Variants in UNC80 observed in about 807,000 individuals in gnomAD.
The protein encoded by UNC80 is unc-80 subunit of NALCN channel complex.
In UNC80, 164 loss-of-function variants were observed where a neutral mutation model predicts 384.6. The ratio of observed to expected loss-of-function variants is 0.43; its 90% CI spans 0.38 to 0.49. The LOEUF is 0.49. Among genes scored for constraint, UNC80 ranks in the 20% least tolerant of loss-of-function variants. The pLI, the probability that UNC80 is intolerant of heterozygous loss-of-function variation, is 0.00. For missense variants in UNC80, 3,330 were observed against 4,143.0 expected (o/e 0.80, Z 5.39); for synonymous variants, 1,486 against 1,527.8 (o/e 0.97, Z 0.64).
At chr2:209,860,264 C>A (rs886433502) in intron 22 of UNC80, among the ~76,000 whole-genome samples, 4 of 152,156 alleles carry the variant, frequency 2.6e-5, no homozygotes, top group African/African-American at 9.7e-5. Flanking sequence ...CCAGTATTCC[C>A]AGCACCATTT....
intron 35 of UNC80, among the ~76,000 whole-genome samples, chr2:209,925,331 G>A (rs1244697079): frequency 6.6e-6 from 1 of 152,098 alleles, no homozygotes; most frequent in African/African-American, 2.4e-5. Flanking sequence ...ATTCCTTCCA[G>A]CGGGTTCTTG....
intron 7 of UNC80, 108 bp from the exon 8 acceptor site, chr2:209,813,472 T>A (rs2079511727): frequency 8.2e-7 from 1 of 1,213,926 alleles, no homozygotes; most frequent in African/African-American, 1.5e-5. Flanking sequence ...AAGAAACAAG[T>A]AAATGAATAA....
At chr2:209,814,646 A>T (rs1405031210) in intron 8 of UNC80, among the ~76,000 whole-genome samples, 1 of 152,186 alleles carries the variant, frequency 6.6e-6, no homozygotes, top group Non-Finnish European at 1.5e-5. Flanking sequence ...ATGTGTACTG[A>T]TATGGTGATA....
chr2:209,946,369 G>GAA (rs553758753), intron 47 of UNC80, among the ~76,000 whole-genome samples: 3,124 of 108,878 alleles, frequency 0.029, 85 homozygotes, highest in South Asian at 0.16. Flanking sequence ...GACTTTGTCA[G>GAA]AAAAAAAAAA....
intron 40 of UNC80, among the ~76,000 whole-genome samples, chr2:209,936,288 T>C (rs2124972471): frequency 6.6e-6 from 1 of 152,320 alleles, no homozygotes; most frequent in South Asian, 2.1e-4. Context: ...CAGTGTGACC[T>C]AAATCAAGTG....
At chr2:209,918,712 C>A in intron 33 of UNC80, 49 bp downstream of exon 33, 2 of 1,459,960 alleles carry the variant, frequency 1.4e-6, no homozygotes, top group East Asian at 2.5e-5. Context: ...TAAAAGAGAA[C>A]AATTAATATT....
At chr2:209,945,273 T>A in intron 46 of UNC80, 84 bp downstream of exon 46, 1 of 1,348,020 alleles carries the variant, frequency 7.4e-7, no homozygotes, top group African/African-American at 1.5e-5. Flanking sequence ...CATACACGTA[T>A]ATTTATATGT....
chr2:209,939,222 C>T (rs1224439303), intron 42 of UNC80, among the ~76,000 whole-genome samples: 1 of 152,098 alleles, frequency 6.6e-6, no homozygotes, highest in Non-Finnish European at 1.5e-5. Context: ...ATGCTCCTCT[C>T]CAGCCTAAAA....
At chr2:209,818,255 C>G (rs1052936335) in intron 11 of UNC80, among the ~76,000 whole-genome samples, 2 of 152,104 alleles carry the variant, frequency 1.3e-5, no homozygotes, top group Admixed American at 6.6e-5. Context: ...AGATTCAGTG[C>G]TTCGATTCCC....
chr2:209,976,085 C>T lies in UNC80; in HGVS notation c.8588-34C>T, dbSNP rs377545957. ...GTTGGGTTCCTCGGAAGCACACGTC[C>T]GCAGGCTCATTTTTCTCTTTTCCCG... is the stretch of plus-strand genomic sequence containing the variant. On this transcript the variant is annotated intron_variant, in intron 56 of 64. Transcript: ENST00000673920. The surrounding 1 kb of genome is among the most constrained non-coding windows in gnomAD (Gnocchi z 4.3). The T allele has an allele frequency of 1.2e-5, 18 of 1,534,348 alleles. No homozygotes were observed. Among genetic ancestry groups the T allele is most frequent in the East Asian group, 9.8e-5 (4 of 40,674 alleles).
intron 47 of UNC80, among the ~76,000 whole-genome samples, chr2:209,950,502 T>C (rs113781694): frequency 6.4e-4 from 98 of 152,046 alleles, no homozygotes; most frequent in African/African-American, 2.2e-3. Context: ...TTTTTGCTAT[T>C]GTAGTTTTAT....
chr2:209,941,109 A>G, intron 43 of UNC80, 112 bp from the exon 44 acceptor site: 1 of 1,335,970 alleles, frequency 7.5e-7, no homozygotes, highest in African/African-American at 1.5e-5. Context: ...AGATCTTCAC[A>G]TCCTGGAGCT....
chr2:209,945,740 A>T, intron 46 of UNC80, 107 bp from the exon 47 acceptor site: 1 of 652,368 alleles, frequency 1.5e-6, no homozygotes, highest in Non-Finnish European at 2.6e-6. Flanking sequence ...ATTTAACAAG[A>T]AAAGGCTACA....
chr2:209,911,663 A>C (rs1279982205), intron 29 of UNC80, among the ~76,000 whole-genome samples: 1 of 152,154 alleles, frequency 6.6e-6, no homozygotes, highest in East Asian at 1.9e-4. Context: ...CCTTGGCTAG[A>C]GGGAGAAAGT....
intron 30 of UNC80, among the ~76,000 whole-genome samples, chr2:209,913,584 T>C (rs1481288139): frequency 6.6e-6 from 1 of 152,204 alleles, no homozygotes; most frequent in East Asian, 1.9e-4. Flanking sequence ...GGTGAAAACG[T>C]CATAAAATTA....
intron 52 of UNC80, 149 bp from the exon 53 acceptor site, chr2:209,969,619 T>C: frequency 3.7e-6 from 4 of 1,076,586 alleles, no homozygotes; most frequent in Non-Finnish European, 5.2e-6. Flanking sequence ...CCCCTCCCAG[T>C]ATGCTCTGTG....
At position 209,913,861 on chromosome 2, in the gene UNC80, A is replaced by G; in HGVS notation, c.4950A>G (p.Thr1650=). The G allele has an allele frequency of 2.6e-6, 4 of 1,551,534 alleles. No homozygotes were observed. Among genetic ancestry groups the G allele is most frequent in the Non-Finnish European group, 3.5e-6 (4 of 1,146,814 alleles). The change falls in exon 31 of 65, where the codon ACA becomes ACG. Residue 1650 remains threonine (T), a synonymous_variant. Transcript: ENST00000673920. The part of the protein sequence containing the change: ...SLLIKAAPIL[T]EEMYGDIQPA... Reference sequence around the variant, plus strand: ...TAATCAAGGCAGCACCAATTCTGACAGAGGAGATGTACGGAGACATCCAGC... The same window carrying G: ...TAATCAAGGCAGCACCAATTCTGACGGAGGAGATGTACGGAGACATCCAGC...
At chr2:209,853,132 G>A (rs1482734359) in intron 22 of UNC80, among the ~76,000 whole-genome samples, 1 of 152,010 alleles carries the variant, frequency 6.6e-6, no homozygotes, top group African/African-American at 2.4e-5. Flanking sequence ...GAATTTGGAG[G>A]AGGAGGGGAA....
chr2:209,925,231 C>G (rs1263239076), intron 35 of UNC80, among the ~76,000 whole-genome samples: 1 of 152,044 alleles, frequency 6.6e-6, no homozygotes, highest in Non-Finnish European at 1.5e-5. Flanking sequence ...GATCTATACT[C>G]CACTGTTGCA....
Sources: allele counts gnomAD v4.1 joint callset (sites outside exome capture counted in the v4.1 genomes callset), GRCh38; gene constraint gnomAD v4.1.1; non-coding constraint Gnocchi (gnomAD v3.1); transcripts MANE v1.5; gene names NCBI Gene and HGNC (gene_info 2026-07-23, HGNC 2026-07-21).